Variants in BMPR2 observed in about 807,000 individuals in gnomAD.
BMPR2 encodes bone morphogenetic protein receptor type-2.
In BMPR2, 29 loss-of-function variants were observed where a neutral mutation model predicts 100.8. That is an observed-to-expected ratio of 0.29 (90% CI 0.21 to 0.39). The LOEUF is 0.39. Ranked by LOEUF, BMPR2 falls within the 10% of genes least tolerant of loss-of-function variation. The pLI, the probability that BMPR2 is intolerant of heterozygous loss-of-function variation, is 1.00. For missense variants in BMPR2, 1,011 were observed against 1,274.5 expected, an observed-to-expected ratio of 0.79 and a Z score of 3.15; for synonymous variants, 382 against 442.3, an observed-to-expected ratio of 0.86 and a Z score of 1.71.
chr2:202,555,999 A>G lies in BMPR2; in HGVS notation c.2334A>G (p.Lys778=). 4 of 1,614,192 alleles carry G rather than the reference A, an allele frequency of 2.5e-6. No individual in the cohort carries two copies. The highest frequency in any genetic ancestry group is 3.4e-6 in the Non-Finnish European group (4 of 1,180,020). The change falls in exon 12 of 13, where the codon AAA becomes AAG. Residue 778 remains lysine, a synonymous_variant. Transcript: ENST00000374580. ...EPRLKFGSKH[K]SNLKQVETGV... ...GGCTAAAATTTGGCAGCAAGCACAA[A>G]TCAAACTTGAAACAAGTCGAAACTG... is the stretch of plus-strand genomic sequence containing the variant.
chr2:202,530,669 C>G (rs891162775), intron 7 of BMPR2, 125 bp from the exon 8 acceptor site: 1 of 843,952 alleles, frequency 1.2e-6, no homozygotes, highest in African/African-American at 1.7e-5. Flanking sequence ...ATTCCGATTT[C>G]TCTTTTTTTG....
intron 7 of BMPR2, among the ~76,000 whole-genome samples, chr2:202,525,299 C>G (rs1373617656): frequency 6.6e-6 from 1 of 152,000 alleles, no homozygotes; most frequent in South Asian, 2.1e-4. Context: ...GCAACCTCTG[C>G]CTCCCTGGTT....
At chr2:202,446,168 A>G (rs1320915079) in intron 1 of BMPR2, among the ~76,000 whole-genome samples, 1 of 150,604 alleles carries the variant, frequency 6.6e-6, no homozygotes, top group East Asian at 1.9e-4. Flanking sequence ...TGGGAGGCTG[A>G]GGTGGGCGGA....
intron 3 of BMPR2, among the ~76,000 whole-genome samples, chr2:202,470,388 G>A (rs994888792): frequency 3.3e-5 from 5 of 152,122 alleles, no homozygotes; most frequent in Admixed American, 3.3e-4. Flanking sequence ...TTAGAAAAAT[G>A]ATTTATCCCA....
chr2:202,460,039 C>T (rs995182594), intron 1 of BMPR2, among the ~76,000 whole-genome samples: 1 of 152,088 alleles, frequency 6.6e-6, no homozygotes, highest in Admixed American at 6.6e-5. Context: ...TAGAGAAATG[C>T]AAATCAAAGT....
intron 1 of BMPR2, among the ~76,000 whole-genome samples, chr2:202,379,897 G>A (rs759736624): frequency 2.0e-5 from 3 of 148,986 alleles, no homozygotes; most frequent in East Asian, 2.0e-4. Flanking sequence ...TCACTCTGTC[G>A]CCCAGGCTGG....
At chr2:202,429,140 T>A (rs1691451985) in intron 1 of BMPR2, among the ~76,000 whole-genome samples, 1 of 152,206 alleles carries the variant, frequency 6.6e-6, no homozygotes, top group Non-Finnish European at 1.5e-5. Flanking sequence ...TTGCAGTAGG[T>A]TTCTAGATGG....
intron 1 of BMPR2, among the ~76,000 whole-genome samples, chr2:202,433,656 T>C (rs1002305968): frequency 4.0e-5 from 6 of 150,486 alleles, no homozygotes; most frequent in Non-Finnish European, 8.8e-5. Context: ...ATGCCTGTAA[T>C]CCCAGCACTT....
chr2:202,492,933 G>A (rs1692937788), intron 3 of BMPR2, among the ~76,000 whole-genome samples: 2 of 152,120 alleles, frequency 1.3e-5, no homozygotes, highest in African/African-American at 2.4e-5. Context: ...GCCTGCTGAT[G>A]TGATTCATAT....
Position 202,562,473 on chromosome 2 carries a change from CTT to C in BMPR2, c.*2530_*2531del, listed in dbSNP as rs1355577904. On this transcript the variant is annotated 3_prime_UTR_variant, in exon 13 of 13. Transcript: ENST00000374580. ...TATAAATTTTAAATTGTACATCAGACTTTTAAAATCTGTAATATACAAGCAAG... is the reference window on the plus strand; with the variant it reads ...TATAAATTTTAAATTGTACATCAGACTTAAAATCTGTAATATACAAGCAAG... 1 of 152,480 alleles carries C rather than the reference CTT, an allele frequency of 6.6e-6. No homozygotes were observed. Among genetic ancestry groups the C allele is most frequent in the Non-Finnish European group, 1.5e-5 (1 of 67,988 alleles). The allele number at this position is 152,480 out of a possible 1,614,324, so 9.4% of individuals were successfully genotyped here.
intron 1 of BMPR2, among the ~76,000 whole-genome samples, chr2:202,463,965 G>A (rs374632859): frequency 6.6e-6 from 1 of 152,154 alleles, no homozygotes; most frequent in East Asian, 1.9e-4. Flanking sequence ...TTCGGGACCA[G>A]CCTGACCAAC....
chr2:202,421,696 A>T (rs1477888448), intron 1 of BMPR2, among the ~76,000 whole-genome samples: 1 of 151,558 alleles, frequency 6.6e-6, no homozygotes, highest in Non-Finnish European at 1.5e-5. Flanking sequence ...CTAGACTTTA[A>T]CTGTAGACTA....
chr2:202,419,795 C>A (rs1298701478), intron 1 of BMPR2, among the ~76,000 whole-genome samples: 1 of 152,116 alleles, frequency 6.6e-6, no homozygotes, highest in African/African-American at 2.4e-5. Context: ...TAGCTTTTCA[C>A]TACTCTTTAC....
chr2:202,385,755 C>A (rs1168024906), intron 1 of BMPR2, among the ~76,000 whole-genome samples: 1 of 150,080 alleles, frequency 6.7e-6, no homozygotes, highest in Non-Finnish European at 1.5e-5. Flanking sequence ...ATAATATAGT[C>A]ATGTATATGT....
At position 202,563,414 on chromosome 2, in the gene BMPR2, G is replaced by A. The variant is rs1688708583; in HGVS notation, c.*3468G>A. 6.6e-6 allele frequency: 1 copy of A among 151,932 alleles called. No individual in the cohort carries two copies. Among genetic ancestry groups the A allele is most frequent in the Non-Finnish European group, 1.5e-5 (1 of 68,006 alleles). The allele number at this position is 151,932 out of a possible 1,614,324, so 9.4% of individuals were successfully genotyped here. On this transcript the variant is annotated 3_prime_UTR_variant, in exon 13 of 13. Transcript: ENST00000374580. ...ATCGCGCCACTGCACTGCAGCCTAG[G>A]CGACAGAGCAAGACTGCCTCAAAAA...
chr2:202,445,248 G>A (rs13383362), intron 1 of BMPR2, among the ~76,000 whole-genome samples: 1 of 149,988 alleles, frequency 6.7e-6, no homozygotes, highest in South Asian at 2.1e-4. Flanking sequence ...ATATATTTAA[G>A]ACAGAGTCTC....
chr2:202,450,214 T>G (rs1249397698), intron 1 of BMPR2, among the ~76,000 whole-genome samples: 1 of 152,174 alleles, frequency 6.6e-6, no homozygotes, highest in Non-Finnish European at 1.5e-5. Context: ...ACATCAAATT[T>G]GAGAACATCC....
chr2:202,452,770 C>T (rs1373322427), intron 1 of BMPR2, among the ~76,000 whole-genome samples: 1 of 152,204 alleles, frequency 6.6e-6, no homozygotes, highest in Admixed American at 6.5e-5. Flanking sequence ...AGCCCCTGCT[C>T]TTATTTTAGC....
chr2:202,543,590 A>G (rs1688323202), intron 10 of BMPR2, among the ~76,000 whole-genome samples: 1 of 152,020 alleles, frequency 6.6e-6, no homozygotes, highest in African/African-American at 2.4e-5. Context: ...TCTCCCTACT[A>G]TCACTCTCCG....
Sources: gnomAD v4.1 joint callset for allele counts (sites outside exome capture counted in the v4.1 genomes callset) on GRCh38, gnomAD v4.1.1 for gene constraint, MANE v1.5 for transcripts, NCBI Gene and HGNC (gene_info 2026-07-23, HGNC 2026-07-21) for gene names.